The following TRAPPC9 variants were observed in gnomAD, a reference collection of about 807,000 sequenced individuals.
The protein encoded by TRAPPC9 is trafficking protein particle complex subunit 9.
Under a neutral mutation model 124.0 loss-of-function variants are expected in TRAPPC9, and 83 were observed. The observed-to-expected ratio is 0.67, with a 90% CI of 0.56 to 0.80. The LOEUF (loss-of-function observed/expected upper bound fraction) is 0.80, where lower values mean the gene tolerates loss of function less well. Ranked by LOEUF, TRAPPC9 falls within the 30% of genes least tolerant of loss-of-function variation. The pLI, the probability that TRAPPC9 is intolerant of heterozygous loss-of-function variation, is 0.00. For synonymous variants in TRAPPC9, 638 were observed against 617.5 expected (o/e 1.03, Z -0.49); for missense variants, 1,302 against 1,508.3 (o/e 0.86, Z 2.27).
intron 17 of TRAPPC9, among the ~76,000 whole-genome samples, chr8:140,208,654 A>G (rs1475993648): frequency 1.3e-5 from 2 of 152,194 alleles, no homozygotes; most frequent in African/African-American, 2.4e-5. Flanking sequence ...CCCTCATCCA[A>G]CGTTTAATGA....
intron 17 of TRAPPC9, among the ~76,000 whole-genome samples, chr8:140,057,748 G>T (rs1426390385): frequency 1.3e-5 from 2 of 152,202 alleles, no homozygotes; most frequent in Non-Finnish European, 2.9e-5. Context: ...TAAGTTTAGA[G>T]ATCTGCCATA....
At chr8:139,932,940 C>G (rs1833284708) in intron 19 of TRAPPC9, 1 of 188,696 alleles carries the variant, frequency 5.3e-6, no homozygotes, top group South Asian at 1.1e-4. Context: ...GCTCTTCTTC[C>G]CGGAACGCCC....
At position 140,004,337 on chromosome 8, in the gene TRAPPC9, A is replaced by C. The variant is rs189038211; in HGVS notation, c.2700-15501T>G. On this transcript the variant is annotated intron_variant, in intron 18 of 22. Transcript: ENST00000438773. The stretch of plus-strand genomic sequence containing the variant: ...AAAAAATCGTGCACCAAAAAAGTTC[A>C]TTTTACTCTATGTTAATTTAAAAAA... Among the ~76,000 whole-genome samples the C allele has an allele frequency of 5.9e-5, 9 of 152,316 alleles. No individual in the cohort carries two copies. The East Asian group carries it at 1.7e-3, about 29-fold the overall frequency.
At chr8:140,060,647 C>G (rs1403359308) in intron 17 of TRAPPC9, among the ~76,000 whole-genome samples, 2 of 151,920 alleles carry the variant, frequency 1.3e-5, no homozygotes, top group Non-Finnish European at 2.9e-5. Context: ...CCCACGGGCA[C>G]TACCGAATTG....
chr8:140,423,751 T>C (rs1331149388), intron 5 of TRAPPC9, among the ~76,000 whole-genome samples: 3 of 148,726 alleles, frequency 2.0e-5, no homozygotes. Flanking sequence ...CACATATATA[T>C]ACATATATAT....
intron 16 of TRAPPC9, among the ~76,000 whole-genome samples, chr8:140,237,590 G>A (rs940936601): frequency 1.3e-5 from 2 of 152,002 alleles, no homozygotes; most frequent in Non-Finnish European, 2.9e-5. Flanking sequence ...AGAACCACTG[G>A]TCTATTCTTG....
At chr8:139,964,452 C>A (rs1245558479) in intron 19 of TRAPPC9, among the ~76,000 whole-genome samples, 1 of 152,106 alleles carries the variant, frequency 6.6e-6, no homozygotes, top group African/African-American at 2.4e-5. Context: ...GGAGAAGATT[C>A]AGTGGCTATG....
intron 16 of TRAPPC9, among the ~76,000 whole-genome samples, chr8:140,229,626 C>T (rs1039483514): frequency 6.7e-5 from 10 of 150,320 alleles, no homozygotes; most frequent in South Asian, 2.1e-4. Context: ...TGGAGTGTAG[C>T]GGCGCGATCT....
chr8:139,889,091 G>A (rs1421029345), intron 20 of TRAPPC9, among the ~76,000 whole-genome samples: 3 of 152,188 alleles, frequency 2.0e-5, no homozygotes, highest in South Asian at 2.1e-4. Context: ...TGGTCTATCC[G>A]CAAAATGGAA....
chr8:139,872,753 TGGATG>T (rs1829045896), intron 21 of TRAPPC9, among the ~76,000 whole-genome samples: 1 of 8,778 alleles, frequency 1.1e-4, no homozygotes, highest in African/African-American at 4.8e-4. Flanking sequence ...GGTGGATGGA[TGGATG>T]GGTGGGTGGG....
At chr8:139,986,758 T>C (rs962695569) in intron 19 of TRAPPC9, among the ~76,000 whole-genome samples, 2 of 152,244 alleles carry the variant, frequency 1.3e-5, no homozygotes, top group African/African-American at 4.8e-5. Context: ...AAGTGATTAG[T>C]TGCCGAGTTT....
chr8:140,430,827 A>G (rs1228873681), intron 4 of TRAPPC9, among the ~76,000 whole-genome samples: 15 of 151,844 alleles, frequency 9.9e-5, no homozygotes, highest in Non-Finnish European at 2.2e-4. Flanking sequence ...TTTTGTAGAG[A>G]TAGGATTTCA....
intron 9 of TRAPPC9, among the ~76,000 whole-genome samples, chr8:140,356,617 G>T (rs1039361281): frequency 6.6e-6 from 1 of 151,106 alleles, no homozygotes; most frequent in Non-Finnish European, 1.5e-5. Context: ...TAAAAAGAAT[G>T]TGCTTTTTTT....
At chr8:139,882,664 GGTGGCGAGGAGAC>G (rs1338855121) in intron 21 of TRAPPC9, among the ~76,000 whole-genome samples, 1 of 152,200 alleles carries the variant, frequency 6.6e-6, no homozygotes, top group East Asian at 1.9e-4. Context: ...GGGGTAGGAG[GGTGGCGAGGAGAC>G]AGGTGCGGGT....
intron 20 of TRAPPC9, among the ~76,000 whole-genome samples, chr8:139,902,395 A>G (rs1831076899): frequency 6.6e-6 from 1 of 152,156 alleles, no homozygotes; most frequent in South Asian, 2.1e-4. Context: ...GCTGGCTGGC[A>G]AGGCAGGACG....
At chr8:139,812,750 G>A (rs902305157) in intron 21 of TRAPPC9, among the ~76,000 whole-genome samples, 1 of 152,204 alleles carries the variant, frequency 6.6e-6, no homozygotes, top group African/African-American at 2.4e-5. Flanking sequence ...CAAGAGTAAA[G>A]GTGTTGGAAT....
At chr8:140,425,272 C>T (rs968360137) in intron 5 of TRAPPC9, among the ~76,000 whole-genome samples, 22 of 152,218 alleles carry the variant, frequency 1.4e-4, no homozygotes, top group African/African-American at 3.4e-4. Flanking sequence ...TCTCTTTACT[C>T]GCTCTCCCAT....
intron 21 of TRAPPC9, among the ~76,000 whole-genome samples, chr8:139,749,628 C>G (rs958402074): frequency 6.6e-6 from 1 of 152,202 alleles, no homozygotes; most frequent in African/African-American, 2.4e-5. Flanking sequence ...TGGGTCAGTG[C>G]TTACGAGGTT....
intron 19 of TRAPPC9, among the ~76,000 whole-genome samples, chr8:139,950,802 C>A (rs770812474): frequency 6.6e-6 from 1 of 152,216 alleles, no homozygotes; most frequent in Non-Finnish European, 1.5e-5. Flanking sequence ...GCAGAAAAAA[C>A]GGACTGATGT....
Sources: allele counts gnomAD v4.1 joint callset (sites outside exome capture counted in the v4.1 genomes callset), GRCh38; gene constraint gnomAD v4.1.1; transcripts MANE v1.5; gene names NCBI Gene and HGNC (gene_info 2026-07-23, HGNC 2026-07-21).